The following GALNTL6 variants were observed in gnomAD, a reference collection of about 807,000 sequenced individuals.
GALNTL6 encodes the protein polypeptide N-acetylgalactosaminyltransferase-like 6.
In GALNTL6, 46 loss-of-function variants were observed where a neutral mutation model predicts 73.7. The observed-to-expected ratio is 0.62, with a 90% CI of 0.49 to 0.80. The LOEUF is 0.80. GALNTL6 is among the 30% of genes least tolerant of loss of function. The pLI, the probability that GALNTL6 is intolerant of heterozygous loss-of-function variation, is 0.00. For missense variants in GALNTL6, 604 were observed against 755.0 expected (o/e 0.80, Z 2.34); for synonymous variants, 259 against 263.7 (o/e 0.98, Z 0.17).
intron 10 of GALNTL6, among the ~76,000 whole-genome samples, chr4:172,983,058 T>C (rs1041512241): frequency 1.3e-5 from 2 of 152,148 alleles, no homozygotes; most frequent in African/African-American, 4.8e-5. Flanking sequence ...GGCAATGGAT[T>C]CCCTAAAAGC....
chr4:171,972,522 A>G (rs1307222626), intron 2 of GALNTL6, among the ~76,000 whole-genome samples: 1 of 152,166 alleles, frequency 6.6e-6, no homozygotes, highest in Non-Finnish European at 1.5e-5. Flanking sequence ...TTTGATACAT[A>G]GCAAATTCCA....
rs538187416 is a variant in GALNTL6, at chr4:172,003,480, G to A, written c.138+188762G>A. Among the ~76,000 whole-genome samples the A allele has an allele frequency of 1.4e-4, 22 of 152,094 alleles. No homozygotes were observed. In the South Asian group the frequency reaches 1.7e-3, roughly 11 times the overall value. On this transcript the variant is annotated intron_variant, in intron 2 of 12. Transcript: ENST00000506823. Reference sequence around the variant, plus strand: ...TCTAAGTCATGATGCTGTTCCTCACGTTTCTCTTAATTATATTCTCTAATA... The same window carrying A: ...TCTAAGTCATGATGCTGTTCCTCACATTTCTCTTAATTATATTCTCTAATA...
chr4:172,609,628 TGTGTG>T, intron 5 of GALNTL6, among the ~76,000 whole-genome samples: 1 of 126,966 alleles, frequency 7.9e-6, no homozygotes, highest in Non-Finnish European at 1.8e-5. Context: ...TCTCTCTCTG[TGTGTG>T]TGTGTGTGTG....
chr4:172,256,334 A>C (rs1459750993), intron 3 of GALNTL6, among the ~76,000 whole-genome samples: 2 of 151,450 alleles, frequency 1.3e-5, no homozygotes, highest in East Asian at 3.9e-4. Context: ...AAATTCTAGA[A>C]TAGCCTCCTG....
chr4:172,810,365 T>A (rs1326781056), intron 6 of GALNTL6, among the ~76,000 whole-genome samples: 1 of 152,160 alleles, frequency 6.6e-6, no homozygotes, highest in Non-Finnish European at 1.5e-5. Context: ...AAATAAATTG[T>A]CAGCTCGAAA....
At chr4:172,215,849 T>C (rs1018519162) in intron 2 of GALNTL6, among the ~76,000 whole-genome samples, 2 of 152,126 alleles carry the variant, frequency 1.3e-5, no homozygotes, top group Non-Finnish European at 2.9e-5. Context: ...CCCCCTTTCA[T>C]AGGCATCAAT....
At chr4:172,860,032 T>C (rs1435491492) in intron 7 of GALNTL6, among the ~76,000 whole-genome samples, 1 of 152,186 alleles carries the variant, frequency 6.6e-6, no homozygotes, top group Non-Finnish European at 1.5e-5. Flanking sequence ...ACAATAAATG[T>C]AATGCACTCA....
intron 5 of GALNTL6, among the ~76,000 whole-genome samples, chr4:172,738,861 G>A (rs377748011): frequency 3.3e-5 from 5 of 152,152 alleles, no homozygotes; most frequent in African/African-American, 1.2e-4. Context: ...GTGCTTCCAG[G>A]CTACAGGCAG....
At chr4:172,550,055 G>T (rs1004610135) in intron 5 of GALNTL6, among the ~76,000 whole-genome samples, 1 of 152,010 alleles carries the variant, frequency 6.6e-6, no homozygotes, top group Non-Finnish European at 1.5e-5. Flanking sequence ...TGAACATGCA[G>T]TTTGCTTCAA....
At chr4:171,819,087 A>G (rs531441637) in intron 2 of GALNTL6, among the ~76,000 whole-genome samples, 2 of 152,000 alleles carry the variant, frequency 1.3e-5, no homozygotes, top group South Asian at 4.1e-4. Context: ...TGGAAGAGCT[A>G]AGGACAGGAG....
intron 2 of GALNTL6, among the ~76,000 whole-genome samples, chr4:172,168,186 A>G (rs1734693610): frequency 6.6e-6 from 1 of 152,214 alleles, no homozygotes; most frequent in Non-Finnish European, 1.5e-5. Flanking sequence ...GGTGAAATCC[A>G]CGAAAAGTTT....
intron 2 of GALNTL6, among the ~76,000 whole-genome samples, chr4:172,225,263 T>G (rs1736814839): frequency 6.6e-6 from 1 of 152,104 alleles, no homozygotes; most frequent in African/African-American, 2.4e-5. Flanking sequence ...ACTGGATGGT[T>G]AAGCTTTCAA....
intron 5 of GALNTL6, among the ~76,000 whole-genome samples, chr4:172,536,594 A>C (rs577102660): frequency 6.6e-6 from 1 of 152,268 alleles, no homozygotes; most frequent in South Asian, 2.1e-4. Flanking sequence ...AACTTGGGAG[A>C]CATGATTTAG....
intron 9 of GALNTL6, among the ~76,000 whole-genome samples, chr4:172,949,695 G>A (rs1749346564): frequency 6.6e-6 from 1 of 151,978 alleles, no homozygotes; most frequent in Non-Finnish European, 1.5e-5. Flanking sequence ...GGATCATGAG[G>A]TCAGGAAATC....
intron 2 of GALNTL6, among the ~76,000 whole-genome samples, chr4:171,836,651 C>G (rs480440): frequency 0.29 from 44,275 of 151,912 alleles, 6,611 homozygotes; most frequent in Middle Eastern, 0.37. Flanking sequence ...TGTTTCGTAT[C>G]CCACAGAAGA....
intron 8 of GALNTL6, among the ~76,000 whole-genome samples, chr4:172,900,869 G>A (rs1219338986): frequency 6.6e-6 from 1 of 152,124 alleles, no homozygotes; most frequent in Non-Finnish European, 1.5e-5. Flanking sequence ...TGGAGAGTTT[G>A]CAAAATATAT....
chr4:172,866,073 T>C (rs922495002), intron 7 of GALNTL6, among the ~76,000 whole-genome samples: 1 of 152,194 alleles, frequency 6.6e-6, no homozygotes, highest in Non-Finnish European at 1.5e-5. Context: ...GCCTTCACCT[T>C]GGATCAGGTT....
chr4:171,817,135 A>T (rs193106237), intron 2 of GALNTL6, among the ~76,000 whole-genome samples: 2 of 152,086 alleles, frequency 1.3e-5, no homozygotes, highest in African/African-American at 4.8e-5. Context: ...AATATTGAGG[A>T]TGAAGATAAT....
Position 172,938,541 on chromosome 4 carries a change from T to TTA in GALNTL6, c.1149+7276_1149+7277dup, listed in dbSNP as rs1748745068. ...TCTGAAAATAAAATCACCAACAAGG[T>TTA]TATAAAGTATGGTGGTGATGAATGG... On this transcript the variant is annotated intron_variant, in intron 9 of 12. Coordinates refer to ENST00000506823, the MANE Select transcript of GALNTL6 (RefSeq NM_001034845.3). 2.6e-5 allele frequency among the ~76,000 whole-genome samples: 4 copies of TTA among 152,096 alleles called. No homozygotes were observed. The East Asian group carries it at 7.7e-4, about 29-fold the overall frequency.
Sources: allele counts gnomAD v4.1 joint callset (sites outside exome capture counted in the v4.1 genomes callset), GRCh38; gene constraint gnomAD v4.1.1; transcripts MANE v1.5; gene names NCBI Gene and HGNC (gene_info 2026-07-23, HGNC 2026-07-21).